Variants in DNAJC5B observed in about 807,000 individuals in gnomAD.
DNAJC5B encodes the protein dnaJ homolog subfamily C member 5B.
Under a neutral mutation model 24.7 loss-of-function variants are expected in DNAJC5B, and 23 were observed. The observed-to-expected ratio is 0.93, with a 90% confidence interval of 0.67 to 1.32. The LOEUF (loss-of-function observed/expected upper bound fraction) is 1.32. Ranked by LOEUF, DNAJC5B falls within the 40% of genes most tolerant of loss-of-function variation. The pLI is 0.00. For missense variants in DNAJC5B, 238 were observed against 240.8 expected (o/e 0.99, Z 0.08); for synonymous variants, 101 against 90.1 (o/e 1.12, Z -0.68).
At chr8:66,040,334 G>C (rs747220128) in intron 1 of DNAJC5B, among the ~76,000 whole-genome samples, 5 of 151,860 alleles carry the variant, frequency 3.3e-5, no homozygotes, top group Non-Finnish European at 5.9e-5. Flanking sequence ...AGGTTGCAGT[G>C]AGCCAAGATC....
rs868462886 is a variant in DNAJC5B, at chr8:66,101,160, T to C, written c.*1129T>C. On this transcript the variant is annotated 3_prime_UTR_variant, in exon 6 of 6. Coordinates refer to ENST00000276570, the MANE Select transcript of DNAJC5B (RefSeq NM_033105.6). Reference sequence around the variant, plus strand: ...TTTCTTATTCCCACCCAAAAAATTATAGTTAATTGCTGCTAAATATATATT... The same window carrying C: ...TTTCTTATTCCCACCCAAAAAATTACAGTTAATTGCTGCTAAATATATATT... Among the ~76,000 whole-genome samples, 1 of 152,252 alleles carries C rather than the reference T, an allele frequency of 6.6e-6. No individual in the cohort carries two copies. Among genetic ancestry groups the C allele is most frequent in the Non-Finnish European group, 1.5e-5 (1 of 68,046 alleles).
intron 3 of DNAJC5B, among the ~76,000 whole-genome samples, chr8:66,064,940 C>G (rs774073327): frequency 6.6e-6 from 1 of 152,046 alleles, no homozygotes; most frequent in Non-Finnish European, 1.5e-5. Context: ...ACTGTAGTGA[C>G]CAGAAAGCTA....
At chr8:66,026,370 G>A (rs1256096349) in intron 1 of DNAJC5B, among the ~76,000 whole-genome samples, 2 of 152,224 alleles carry the variant, frequency 1.3e-5, no homozygotes, top group Non-Finnish European at 2.9e-5. Flanking sequence ...AATCTCTCCA[G>A]TAAAATGAAA....
intron 2 of DNAJC5B, among the ~76,000 whole-genome samples, chr8:66,047,488 G>A (rs1806746264): frequency 6.6e-6 from 1 of 152,150 alleles, no homozygotes; most frequent in Admixed American, 6.6e-5. Flanking sequence ...AGCATGCACT[G>A]ATCTCCCATT....
At chr8:66,075,523 A>C (rs1702562687) in intron 3 of DNAJC5B, among the ~76,000 whole-genome samples, 1 of 152,218 alleles carries the variant, frequency 6.6e-6, no homozygotes, top group South Asian at 2.1e-4. Context: ...TAAATTCTGC[A>C]TGTAAAAAAA....
At chr8:66,079,851 A>G (rs1461254227) in intron 4 of DNAJC5B, among the ~76,000 whole-genome samples, 1 of 152,198 alleles carries the variant, frequency 6.6e-6, no homozygotes, top group Non-Finnish European at 1.5e-5. Flanking sequence ...CCTGCTGGCC[A>G]GGATAGAGGC....
chr8:66,045,736 C>G (rs1013198400), intron 2 of DNAJC5B, among the ~76,000 whole-genome samples: 14 of 152,038 alleles, frequency 9.2e-5, no homozygotes, highest in Non-Finnish European at 8.8e-5. Flanking sequence ...AAGGAGGGAG[C>G]CTTGGAGAAA....
At chr8:66,089,125 C>T (rs563608750) in intron 5 of DNAJC5B, among the ~76,000 whole-genome samples, 18 of 152,270 alleles carry the variant, frequency 1.2e-4, no homozygotes, top group African/African-American at 4.3e-4. Context: ...GGGGAGGCCT[C>T]AGGAAATTTA....
intron 3 of DNAJC5B, among the ~76,000 whole-genome samples, chr8:66,070,028 C>G (rs1807311195): frequency 6.6e-6 from 1 of 152,172 alleles, no homozygotes; most frequent in African/African-American, 2.4e-5. Context: ...GCTAAAAACT[C>G]TCAATAAACT....
chr8:66,049,937 T>C (rs1234160521), intron 2 of DNAJC5B, among the ~76,000 whole-genome samples: 1 of 152,220 alleles, frequency 6.6e-6, no homozygotes, highest in African/African-American at 2.4e-5. Flanking sequence ...GGAAATACAT[T>C]TTTCCCTCAA....
chr8:66,097,268 T>C (rs993827236), intron 5 of DNAJC5B, among the ~76,000 whole-genome samples: 1 of 151,758 alleles, frequency 6.6e-6, no homozygotes, highest in African/African-American at 2.4e-5. Context: ...TGTCCTCTGA[T>C]TTGGAAATTA....
At chr8:66,089,283 G>A (rs932421783) in intron 5 of DNAJC5B, among the ~76,000 whole-genome samples, 1 of 152,142 alleles carries the variant, frequency 6.6e-6, no homozygotes, top group African/African-American at 2.4e-5. Flanking sequence ...GGGGGAAACC[G>A]TCTCTATGAT....
chr8:66,076,497 C>T (rs1017200049), intron 3 of DNAJC5B, among the ~76,000 whole-genome samples, 163 bp from the exon 4 acceptor site: 3 of 152,198 alleles, frequency 2.0e-5, no homozygotes, highest in South Asian at 4.1e-4. Context: ...CAAGGGACAT[C>T]ATTTAGTGAA....
chr8:66,038,613 C>T (rs1258356022), intron 1 of DNAJC5B, among the ~76,000 whole-genome samples: 1 of 152,058 alleles, frequency 6.6e-6, no homozygotes. Context: ...AAGAAGTATC[C>T]AAAAACATTC....
chr8:66,024,241 T>C (rs1388012261), intron 1 of DNAJC5B, among the ~76,000 whole-genome samples: 1 of 152,200 alleles, frequency 6.6e-6, no homozygotes. Context: ...CATTCCATCA[T>C]GGCATAGGCT....
intron 5 of DNAJC5B, among the ~76,000 whole-genome samples, chr8:66,096,450 G>C (rs939210857): frequency 6.6e-6 from 1 of 152,068 alleles, no homozygotes; most frequent in Non-Finnish European, 1.5e-5. Flanking sequence ...TCATGAGTTA[G>C]GTGCTGAAAG....
At chr8:66,085,745 A>AT (rs953412059) in intron 5 of DNAJC5B, among the ~76,000 whole-genome samples, 9 of 150,796 alleles carry the variant, frequency 6.0e-5, no homozygotes, top group East Asian at 1.9e-4. Context: ...TTCCAACTTT[A>AT]TTTTTTTTTA....
chr8:66,043,406 A>G (rs1806655037), intron 1 of DNAJC5B, 82 bp from the exon 2 acceptor site: 2 of 152,192 alleles, frequency 1.3e-5, no homozygotes, highest in Admixed American at 6.5e-5. Flanking sequence ...GCTGCAGCAT[A>G]TATTTTGGTA....
At chr8:66,037,740 C>T (rs560130842) in intron 1 of DNAJC5B, among the ~76,000 whole-genome samples, 34 of 152,338 alleles carry the variant, frequency 2.2e-4, no homozygotes, top group South Asian at 1.9e-3. Context: ...GGAAAGCAGA[C>T]GGCTTTGCAG....
Sources: allele counts gnomAD v4.1 joint callset (sites outside exome capture counted in the v4.1 genomes callset), GRCh38; gene constraint gnomAD v4.1.1; transcripts MANE v1.5; gene names NCBI Gene and HGNC (gene_info 2026-07-23, HGNC 2026-07-21).